Variants in RGS8 observed in about 807,000 individuals in gnomAD.
RGS8 encodes regulator of G protein signaling 8.
A neutral mutation model predicts 21.7 loss-of-function variants in RGS8; 8 were observed. The observed-to-expected ratio is 0.37, with a 90% CI of 0.22 to 0.66. RGS8 has a LOEUF of 0.66. Among genes scored for constraint, RGS8 ranks in the 30% least tolerant of loss-of-function variants. The probability of loss-of-function intolerance (pLI) is 0.59; values close to 1 mark genes in which losing one functional copy is unlikely to be tolerated. For synonymous variants in RGS8, 80 were observed against 83.6 expected (o/e 0.96, Z 0.24); for missense variants, 157 against 217.9 (o/e 0.72, Z 1.76).
chr1:182,661,837 C>T (rs1054907631), intron 5 of RGS8, among the ~76,000 whole-genome samples: 17 of 151,994 alleles, frequency 1.1e-4, no homozygotes, highest in Admixed American at 6.6e-5. Context: ...CACACACACA[C>T]ACACACACAC....
the RGS8 span, among the ~76,000 whole-genome samples, chr1:182,727,633 A>G: frequency 6.6e-6 from 1 of 152,124 alleles, no homozygotes; most frequent in East Asian, 1.9e-4. Context: ...TCGAACACCA[A>G]ATAATTCTAT....
the RGS8 span, among the ~76,000 whole-genome samples, chr1:182,694,986 T>C: frequency 1.3e-5 from 2 of 152,116 alleles, no homozygotes; most frequent in African/African-American, 4.8e-5. Flanking sequence ...AAGAAACATA[T>C]ACACACTACA....
the RGS8 span, among the ~76,000 whole-genome samples, chr1:182,740,153 G>C: frequency 6.6e-6 from 1 of 152,204 alleles, no homozygotes; most frequent in African/African-American, 2.4e-5. Flanking sequence ...CTGTGCACAT[G>C]TTGTGTTGCA....
chr1:182,739,106 T>C, the RGS8 span, among the ~76,000 whole-genome samples: 1 of 152,206 alleles, frequency 6.6e-6, no homozygotes, highest in Non-Finnish European at 1.5e-5. Flanking sequence ...TATGGCTTCT[T>C]TCCATTTAAA....
At chr1:182,662,961 GGA>G (rs200828642) in intron 5 of RGS8, among the ~76,000 whole-genome samples, 11,509 of 150,834 alleles carry the variant, frequency 0.076, 1,091 homozygotes, top group African/African-American at 0.23. Flanking sequence ...GGGGAGGGGG[GGA>G]AATAATCATC....
At chr1:182,746,777 T>C in the RGS8 span, among the ~76,000 whole-genome samples, 1 of 152,108 alleles carries the variant, frequency 6.6e-6, no homozygotes, top group Non-Finnish European at 1.5e-5. Flanking sequence ...CTGTAGGCTT[T>C]TCACATTCAT....
At chr1:182,650,143 C>A (rs937775843) in intron 5 of RGS8, among the ~76,000 whole-genome samples, 4 of 150,266 alleles carry the variant, frequency 2.7e-5, no homozygotes, top group African/African-American at 1.0e-4. Flanking sequence ...ATCTCTTGAC[C>A]TTGTGATCCA....
At chr1:182,642,497 T>C (rs75823614), downstream of RGS8, 1 of 152,326 alleles carries the variant, frequency 6.6e-6, no homozygotes, top group Non-Finnish European at 1.5e-5. Context: ...CCTTCTCTGA[T>C]CCACGGAGAA....
At chr1:182,721,235 TC>T in the RGS8 span, among the ~76,000 whole-genome samples, 4 of 151,866 alleles carry the variant, frequency 2.6e-5, no homozygotes, top group African/African-American at 9.7e-5. Flanking sequence ...GCCTATCATG[TC>T]CCAGGTTCTA....
At chr1:182,729,665 T>C in the RGS8 span, among the ~76,000 whole-genome samples, 1 of 152,216 alleles carries the variant, frequency 6.6e-6, no homozygotes, top group South Asian at 2.1e-4. Flanking sequence ...AAAAATCTTA[T>C]ATAGATTTAA....
chr1:182,688,603 C>G (rs1664755915), upstream of RGS8, among the ~76,000 whole-genome samples: 1 of 152,072 alleles, frequency 6.6e-6, no homozygotes, highest in Non-Finnish European at 1.5e-5. Context: ...CCTGGGTTAT[C>G]TAGGCAGACT....
chr1:182,748,283 G>A, the RGS8 span, among the ~76,000 whole-genome samples: 2 of 151,990 alleles, frequency 1.3e-5, no homozygotes, highest in Non-Finnish European at 2.9e-5. Flanking sequence ...AACCATCTCT[G>A]CCTATGGCAA....
At chr1:182,682,961 TG>T in intron 1 of RGS8, among the ~76,000 whole-genome samples, 2 of 152,228 alleles carry the variant, frequency 1.3e-5, no homozygotes, top group East Asian at 3.8e-4. Context: ...TTCACCTAAC[TG>T]GCATGTTTCA....
chr1:182,726,008 C>T, the RGS8 span, among the ~76,000 whole-genome samples: 1 of 152,176 alleles, frequency 6.6e-6, no homozygotes, highest in Non-Finnish European at 1.5e-5. Context: ...GTCTCAGCTT[C>T]CACAACTGCT....
the RGS8 span, among the ~76,000 whole-genome samples, chr1:182,749,378 C>A: frequency 6.6e-6 from 1 of 152,134 alleles, no homozygotes; most frequent in Non-Finnish European, 1.5e-5. Context: ...CTTGGTGTTT[C>A]AATAATGAGT....
chr1:182,711,609 G>C, the RGS8 span, among the ~76,000 whole-genome samples: 2 of 152,184 alleles, frequency 1.3e-5, no homozygotes, highest in South Asian at 2.1e-4. Context: ...AGTGGGCTGG[G>C]GTCAGCCAGC....
the RGS8 span, among the ~76,000 whole-genome samples, chr1:182,702,367 C>T: frequency 2.0e-5 from 3 of 152,006 alleles, no homozygotes; most frequent in South Asian, 4.1e-4. Context: ...TGGCAACAAT[C>T]GAAAAGATGA....
intron 6 of RGS8, among the ~76,000 whole-genome samples, chr1:182,647,547 T>A (rs1038955084): frequency 1.3e-5 from 2 of 152,262 alleles, no homozygotes; most frequent in Non-Finnish European, 2.9e-5. Flanking sequence ...TGAAATTCTG[T>A]ATTATAACTC....
chr1:182,662,912 C>T (rs553615950), intron 5 of RGS8, among the ~76,000 whole-genome samples: 3 of 151,848 alleles, frequency 2.0e-5, no homozygotes, highest in South Asian at 2.1e-4. Context: ...AAACACCCAA[C>T]GGAACAGGGA....
Sources: allele counts gnomAD v4.1 joint callset (sites outside exome capture counted in the v4.1 genomes callset), GRCh38; gene constraint gnomAD v4.1.1; transcripts MANE v1.5; gene names NCBI Gene and HGNC (gene_info 2026-07-23, HGNC 2026-07-21).